The following CREBL2 variants were observed in gnomAD, a reference collection of about 807,000 sequenced individuals.
CREBL2 encodes the protein cAMP-responsive element-binding protein-like 2.
A neutral mutation model predicts 19.5 loss-of-function variants in CREBL2; 4 were observed. The observed-to-expected ratio is 0.20, with a 90% confidence interval of 0.10 to 0.47. The LOEUF is 0.47. CREBL2 is among the 20% of genes least tolerant of loss of function. CREBL2 has a pLI of 0.98. For missense variants in CREBL2, 85 were observed against 145.1 expected (o/e 0.59, Z 2.13); for synonymous variants, 42 against 46.6 (o/e 0.90, Z 0.40).
At chr12:12,635,001 G>T (rs113998718) in intron 1 of CREBL2, among the ~76,000 whole-genome samples, 1 of 151,584 alleles carries the variant, frequency 6.6e-6, no homozygotes, top group Admixed American at 6.6e-5. Context: ...ATTCAAGACC[G>T]CAGTGAGCTA....
In CREBL2 at chr12:12,612,991, C is replaced by T. The variant is rs186178916; in HGVS notation, c.15+804C>T. ...GGTTCAAGCGATTCTCCTGCCTCAGCCTCCCGAGCAGCTGGGATTACAGGC... is the reference window on the plus strand; with the variant it reads ...GGTTCAAGCGATTCTCCTGCCTCAGTCTCCCGAGCAGCTGGGATTACAGGC... On this transcript the variant is annotated intron_variant, in intron 1 of 3. Coordinates refer to ENST00000228865, the MANE Select transcript of CREBL2 (RefSeq NM_001310.4). Among the ~76,000 whole-genome samples, 333 of 152,294 alleles carry T rather than the reference C, an allele frequency of 2.2e-3. 2 individuals are homozygous for T. Among genetic ancestry groups the T allele is most frequent in the African/African-American group, 7.6e-3 (316 of 41,556 alleles).
At chr12:12,616,230 G>A (rs1490836348) in intron 1 of CREBL2, among the ~76,000 whole-genome samples, 1 of 152,122 alleles carries the variant, frequency 6.6e-6, no homozygotes, top group Non-Finnish European at 1.5e-5. Context: ...AAAATACATA[G>A]GATTTTGGGC....
At chr12:12,630,107 G>A (rs191361187) in intron 1 of CREBL2, among the ~76,000 whole-genome samples, 102 of 152,174 alleles carry the variant, frequency 6.7e-4, no homozygotes, top group African/African-American at 2.3e-3. Context: ...GTACATATTG[G>A]CCTCGTGGAG....
In CREBL2 at chr12:12,636,631, C is replaced by T. The variant is rs550043099; in HGVS notation, c.213+657C>T. Among the ~76,000 whole-genome samples the T allele has an allele frequency of 5.9e-5, 9 of 152,270 alleles. No homozygotes were observed. The East Asian group carries it at 9.7e-4, about 16-fold the overall frequency. On this transcript the variant is annotated intron_variant, in intron 2 of 3. Transcript: ENST00000228865. ...AGAGATGGGGTTTCACTGCATTAGT[C>T]AGGATGGTCTCAATCTCCTGACCTC...
chr12:12,621,256 C>A (rs1044453833), intron 1 of CREBL2, among the ~76,000 whole-genome samples: 1 of 152,194 alleles, frequency 6.6e-6, no homozygotes, highest in Non-Finnish European at 1.5e-5. Flanking sequence ...CAGTGGCTCA[C>A]GCCTGTAATC....
chr12:12,641,263 A>AT lies in CREBL2; in HGVS notation c.359-717dup, dbSNP rs761407635. 8.7e-4 allele frequency among the ~76,000 whole-genome samples: 75 copies of AT among 85,914 alleles called. 1 individual carries two copies. Among genetic ancestry groups the AT allele is most frequent in the Middle Eastern group, 7.7e-3 (1 of 130 alleles). 56.4% of individuals were successfully genotyped at this position (85,914 alleles called of 152,430 possible). A position where few individuals can be genotyped will look rare whatever the true frequency, so the allele number is the denominator to read the frequency against. On this transcript the variant is annotated intron_variant, in intron 3 of 3. Transcript: ENST00000228865. Reference sequence around the variant, plus strand: ...ATTATTATTATTATTATTTTTTTTTATTTTTTTTTTTTTTAGGTCAACCTC... The same window carrying AT: ...ATTATTATTATTATTATTTTTTTTTATTTTTTTTTTTTTTTAGGTCAACCTC...
intron 1 of CREBL2, chr12:12,614,857 GTTTTTTT>G: frequency 5.9e-6 from 1 of 168,736 alleles, no homozygotes; most frequent in Non-Finnish European, 1.2e-5. Context: ...TAGGGCATTA[GTTTTTTT>G]TTTTTTTTTT....
chr12:12,615,561 G>C (rs528864827), intron 1 of CREBL2: 2 of 151,282 alleles, frequency 1.3e-5, no homozygotes, highest in Non-Finnish European at 2.9e-5. Context: ...GCAATGGTGC[G>C]ATCTTGGCTC....
chr12:12,639,410 T>G (rs1008606966), intron 3 of CREBL2, among the ~76,000 whole-genome samples: 4 of 152,356 alleles, frequency 2.6e-5, no homozygotes, highest in South Asian at 2.1e-4. Context: ...CATTTTACAT[T>G]CCCACCAGCA....
chr12:12,623,353 A>G (rs987997549), intron 1 of CREBL2, among the ~76,000 whole-genome samples: 1 of 152,178 alleles, frequency 6.6e-6, no homozygotes, highest in Non-Finnish European at 1.5e-5. Flanking sequence ...TCCACTAAAA[A>G]AAAAATAAAG....
At chr12:12,632,798 G>A (rs764060063) in intron 1 of CREBL2, among the ~76,000 whole-genome samples, 8 of 151,680 alleles carry the variant, frequency 5.3e-5, no homozygotes, top group Non-Finnish European at 1.2e-4. Context: ...TGAGATATAA[G>A]CATAATTTTA....
At chr12:12,633,286 C>T (rs559786220) in intron 1 of CREBL2, among the ~76,000 whole-genome samples, 24 of 151,090 alleles carry the variant, frequency 1.6e-4, no homozygotes, top group African/African-American at 2.9e-4. Context: ...GGGCCAGGCC[C>T]GGTGGATCAC....
At chr12:12,635,197 AAAC>A (rs1945465540) in intron 1 of CREBL2, among the ~76,000 whole-genome samples, 1 of 151,804 alleles carries the variant, frequency 6.6e-6, no homozygotes, top group Non-Finnish European at 1.5e-5. Flanking sequence ...CCATCTCTAA[AAAC>A]AACAACAAAA....
rs1436653079 is a variant in CREBL2, at chr12:12,642,862, T to C, written c.*864T>C. The C allele has an allele frequency of 1.3e-5, 2 of 152,662 alleles. No individual in the cohort carries two copies. 9.5% of individuals were successfully genotyped at this position (152,662 alleles called of 1,614,324 possible). A position where few individuals can be genotyped will look rare whatever the true frequency, so the allele number is the denominator to read the frequency against. ...ATGTTTCTTATTGTATGTCTATATA[T>C]GTATGTGGGGAGGACAGGAGTGAAT... is the stretch of plus-strand genomic sequence containing the variant. On this transcript the variant is annotated 3_prime_UTR_variant, in exon 4 of 4. Transcript: ENST00000228865.
chr12:12,637,055 AGT>A lies in CREBL2; in HGVS notation c.214-512_214-511del, dbSNP rs142320732. 2.6e-5 allele frequency among the ~76,000 whole-genome samples: 4 copies of A among 152,306 alleles called. No homozygotes were observed. The East Asian group carries it at 5.8e-4, about 22-fold the overall frequency. ...CTATCAATTATTTCTTACTTTCTGC[AGT>A]GTAAGCCACTTGAGGGCAGAATCTT... On this transcript the variant is annotated intron_variant, in intron 2 of 3. Transcript: ENST00000228865.
At chr12:12,617,359 T>TA (rs2136299070) in intron 1 of CREBL2, among the ~76,000 whole-genome samples, 1 of 152,188 alleles carries the variant, frequency 6.6e-6, no homozygotes, top group East Asian at 1.9e-4. Flanking sequence ...AAGTGTTAAG[T>TA]AGCAGAGCTC....
At chr12:12,635,673 C>T in intron 1 of CREBL2, 104 bp from the exon 2 acceptor site, 1 of 1,350,856 alleles carries the variant, frequency 7.4e-7, no homozygotes, top group South Asian at 1.5e-5. Flanking sequence ...TAGGGCTTCA[C>T]TCACGTTTTG....
At chr12:12,634,291 G>A (rs866656655) in intron 1 of CREBL2, among the ~76,000 whole-genome samples, 2 of 152,190 alleles carry the variant, frequency 1.3e-5, no homozygotes, top group Non-Finnish European at 2.9e-5. Context: ...AAAAACTTGG[G>A]AAGGTTTCAA....
chr12:12,635,360 C>A (rs534913141), intron 1 of CREBL2, among the ~76,000 whole-genome samples: 5 of 147,598 alleles, frequency 3.4e-5, no homozygotes, highest in South Asian at 4.2e-4. Context: ...CAGAGTGAGA[C>A]CCTGTCTGGA....
Sources: allele counts gnomAD v4.1 joint callset (sites outside exome capture counted in the v4.1 genomes callset), GRCh38; gene constraint gnomAD v4.1.1; transcripts MANE v1.5; gene names NCBI Gene and HGNC (gene_info 2026-07-23, HGNC 2026-07-21).